Variants in PDE7A observed in about 807,000 individuals in gnomAD.
PDE7A encodes high affinity 3',5'-cyclic-AMP phosphodiesterase 7A.
PDE7A carries 39 observed loss-of-function variants against 64.3 expected under a neutral mutation model. That is an observed-to-expected ratio of 0.61 (90% CI 0.47 to 0.79). PDE7A has a LOEUF of 0.79. PDE7A is among the 30% of genes least tolerant of loss of function. The pLI is 0.00. For missense variants in PDE7A, 470 were observed against 582.8 expected, an observed-to-expected ratio of 0.81 and a Z score of 1.99; for synonymous variants, 203 against 206.8, an observed-to-expected ratio of 0.98 and a Z score of 0.16.
intron 1 of PDE7A, among the ~76,000 whole-genome samples, chr8:65,838,177 G>C (rs144553498): frequency 1.3e-5 from 2 of 152,064 alleles, no homozygotes; most frequent in Admixed American, 6.5e-5. Context: ...GCAGTGCTTT[G>C]GCATACCCAT....
chr8:65,757,264 C>T (rs574226289), intron 3 of PDE7A, among the ~76,000 whole-genome samples: 2 of 151,956 alleles, frequency 1.3e-5, no homozygotes, highest in East Asian at 1.9e-4. Flanking sequence ...GCTCCTGAGG[C>T]CTGACACACT....
rs968472201 is a variant in PDE7A at position 65,723,750 on chromosome 8, G to C, written c.1163-129C>G. On this transcript the variant is annotated intron_variant, in intron 11 of 12. Transcript: ENST00000401827. ...TTAATCCTCATGAGAGGACAGCTTC[G>C]CAATTAGTTCTTTTTAAAATTTTAA... The C allele has an allele frequency of 1.4e-5, 8 of 562,254 alleles. No homozygotes were observed. The African/African-American group carries it at 1.6e-4, about 11-fold the overall frequency. 34.8% of individuals were successfully genotyped at this position (562,254 alleles called of 1,614,324 possible).
At position 65,727,180 on chromosome 8, in the gene PDE7A, G is replaced by A. The variant is rs756125763; in HGVS notation, c.818C>T (p.Thr273Ile). The change falls in exon 8 of 13, where the codon ACT becomes ATT. Residue 273 changes from threonine (T) to isoleucine (I), a missense_variant. Coordinates refer to ENST00000401827, the MANE Select transcript of PDE7A (RefSeq NM_001242318.3). ...TAAAATTGCACTAACCTTGTATAAA[G>A]TTGCCAAGTAATGGTTAGTTTTAAT... ...FLIKTNHYLA[T>I]LYKNTSVLEN... The A allele has an allele frequency of 8.8e-6, 14 of 1,587,590 alleles. No homozygotes were observed. Among genetic ancestry groups the A allele is most frequent in the African/African-American group, 1.3e-5 (1 of 74,376 alleles).
At chr8:65,802,750 A>G (rs1810023331) in intron 1 of PDE7A, among the ~76,000 whole-genome samples, 1 of 152,234 alleles carries the variant, frequency 6.6e-6, no homozygotes, top group South Asian at 2.1e-4. Flanking sequence ...TTTAACTAGT[A>G]TGATATAGTT....
intron 1 of PDE7A, among the ~76,000 whole-genome samples, chr8:65,822,965 A>ATC (rs1810579514): frequency 6.7e-6 from 1 of 148,764 alleles, no homozygotes; most frequent in Non-Finnish European, 1.5e-5. Context: ...ATCTATCTAT[A>ATC]TACACAAACA....
In PDE7A at chr8:65,734,887, A is replaced by G. The variant is rs778020366; in HGVS notation, c.603T>C (p.Ile201=). ...GATTTTGACTGTGGTAATCTTCTTG[A>G]ATCATAACTGCATCAAAGAAAGAGA... ...MMKLRRFLVM[I]QEDYHSQNPY... The change falls in exon 7 of 13, where the codon ATT becomes ATC. Residue 201 remains isoleucine, a synonymous_variant. Transcript: ENST00000401827. 6.3e-7 allele frequency: 1 copy of G among 1,599,006 alleles called. No individual in the cohort carries two copies. Among genetic ancestry groups the G allele is most frequent in the Admixed American group, 1.7e-5 (1 of 59,966 alleles).
intron 1 of PDE7A, among the ~76,000 whole-genome samples, chr8:65,809,273 C>A (rs541391536): frequency 6.6e-6 from 1 of 152,128 alleles, no homozygotes; most frequent in Non-Finnish European, 1.5e-5. Context: ...TTATAACAAC[C>A]GTATTTTGTT....
At chr8:65,824,774 T>C (rs778690202) in intron 1 of PDE7A, among the ~76,000 whole-genome samples, 1 of 152,256 alleles carries the variant, frequency 6.6e-6, no homozygotes, top group Non-Finnish European at 1.5e-5. Flanking sequence ...ATAATGCTAC[T>C]GTACACTTAA....
chr8:65,810,367 G>C (rs560435578), intron 1 of PDE7A, among the ~76,000 whole-genome samples: 247 of 151,924 alleles, frequency 1.6e-3, no homozygotes, highest in Non-Finnish European at 2.9e-3. Context: ...GGATGGGGGA[G>C]GGATAGCATT....
intron 1 of PDE7A, among the ~76,000 whole-genome samples, chr8:65,840,398 GCA>G (rs746987926): frequency 0.015 from 1,637 of 109,256 alleles, 8 homozygotes; most frequent in Non-Finnish European, 0.016. Flanking sequence ...CACACTACCT[GCA>G]CACACACACA....
chr8:65,727,118 A>T, intron 8 of PDE7A, 52 bp downstream of exon 8: 2 of 1,202,020 alleles, frequency 1.7e-6, no homozygotes, highest in Non-Finnish European at 2.4e-6. Context: ...AAAATATGAA[A>T]GATTTTCTAG....
intron 1 of PDE7A, among the ~76,000 whole-genome samples, chr8:65,815,867 A>G (rs1810388458): frequency 6.6e-6 from 1 of 152,212 alleles, no homozygotes; most frequent in Admixed American, 6.5e-5. Context: ...CTTTTAAAAT[A>G]TACCTCCGAC....
At chr8:65,837,537 C>T (rs908112979) in intron 1 of PDE7A, among the ~76,000 whole-genome samples, 3 of 152,178 alleles carry the variant, frequency 2.0e-5, no homozygotes, top group Non-Finnish European at 2.9e-5. Flanking sequence ...CATAATTTTA[C>T]ACACTCTTTT....
chr8:65,751,826 C>T (rs1364642010), intron 3 of PDE7A, among the ~76,000 whole-genome samples: 1 of 152,174 alleles, frequency 6.6e-6, no homozygotes, highest in Non-Finnish European at 1.5e-5. Flanking sequence ...TATATAGAAA[C>T]ATATTATTTT....
intron 1 of PDE7A, among the ~76,000 whole-genome samples, chr8:65,809,773 A>T (rs895270328): frequency 6.6e-6 from 1 of 152,270 alleles, no homozygotes; most frequent in Non-Finnish European, 1.5e-5. Context: ...TGGTCAGAGA[A>T]ATACTAATCA....
intron 7 of PDE7A, among the ~76,000 whole-genome samples, chr8:65,729,364 C>CTTTT (rs10540107): frequency 1.2e-4 from 10 of 80,074 alleles, no homozygotes; most frequent in Non-Finnish European, 1.6e-4. Flanking sequence ...TTGGTGGTAG[C>CTTTT]TTTTTTTTTT....
Position 65,747,802 on chromosome 8 carries a change from A to G in PDE7A, c.285T>C (p.Ser95=), listed in dbSNP as rs778590748. 2.5e-6 allele frequency: 4 copies of G among 1,598,744 alleles called. No homozygotes were observed. Among genetic ancestry groups the G allele is most frequent in the Non-Finnish European group, 2.6e-6 (3 of 1,170,808 alleles). The change falls in exon 4 of 13, where the codon TCT becomes TCC. Residue 95 remains serine (S), a splice_region_variant and synonymous_variant. Coordinates refer to ENST00000401827, the MANE Select transcript of PDE7A (RefSeq NM_001242318.3). ...HPYIDFRIFH[S]QSEIEVSVSA... The stretch of plus-strand genomic sequence containing the variant: ...AGACAGACACTTCAATTTCAGATTG[A>G]GCTGAAATAAAAAGAATAAAAGGTA...
chr8:65,822,916 G>A (rs1422237839), intron 1 of PDE7A, among the ~76,000 whole-genome samples: 1 of 151,678 alleles, frequency 6.6e-6, no homozygotes, highest in East Asian at 1.9e-4. Flanking sequence ...AAATTTTAAA[G>A]CACTTATTAT....
chr8:65,839,130 T>C (rs528089477), intron 1 of PDE7A, among the ~76,000 whole-genome samples: 3 of 152,210 alleles, frequency 2.0e-5, no homozygotes, highest in East Asian at 1.9e-4. Flanking sequence ...TCCAATACTA[T>C]GGTGACAATA....
Sources: allele counts gnomAD v4.1 joint callset (sites outside exome capture counted in the v4.1 genomes callset), GRCh38; gene constraint gnomAD v4.1.1; transcripts MANE v1.5; gene names NCBI Gene and HGNC (gene_info 2026-07-23, HGNC 2026-07-21).